BMPER: variants seen among roughly 807,000 people sequenced by gnomAD.
BMPER encodes the protein BMP-binding endothelial regulator protein.
A neutral mutation model predicts 87.3 loss-of-function variants in BMPER; 45 were observed. The ratio of observed to expected loss-of-function variants is 0.52; its 90% CI spans 0.41 to 0.66. The LOEUF is 0.66. Ranked by LOEUF, BMPER falls within the 30% of genes least tolerant of loss-of-function variation. The probability of loss-of-function intolerance (pLI) is 0.00; values close to 1 mark genes in which losing one functional copy is unlikely to be tolerated. For synonymous variants in BMPER, 326 were observed against 316.2 expected, an observed-to-expected ratio of 1.03 and a Z score of -0.33; for missense variants, 784 against 867.5, an observed-to-expected ratio of 0.90 and a Z score of 1.21.
Position 34,086,101 on chromosome 7 carries a change from A to T in BMPER, c.1745+9A>T, listed in dbSNP as rs1372976339. ...TACGCCACTTTCTACCGGTAAGTAC[A>T]GTGTTCTGGGGAATGGTTTTGGGTT... On this transcript the variant is annotated intron_variant, in intron 13 of 14. Transcript: ENST00000649409. 6.2e-7 allele frequency: 1 copy of T among 1,613,130 alleles called. No individual in the cohort carries two copies. Among genetic ancestry groups the T allele is most frequent in the East Asian group, 2.2e-5 (1 of 44,846 alleles).
intron 2 of BMPER, among the ~76,000 whole-genome samples, chr7:33,921,424 T>C (rs551288583): frequency 3.9e-5 from 6 of 152,158 alleles, no homozygotes; most frequent in Admixed American, 1.3e-4. Flanking sequence ...TCAGCGAGAG[T>C]TGGGACTGCA....
At chr7:34,042,814 G>A (rs1787866559) in intron 6 of BMPER, 1 of 152,192 alleles carries the variant, frequency 6.6e-6, no homozygotes, top group South Asian at 2.1e-4. Flanking sequence ...GTTTAGCTTG[G>A]AAGTAAAGTC....
intron 14 of BMPER, among the ~76,000 whole-genome samples, chr7:34,150,359 G>A (rs1791140138): frequency 6.6e-6 from 1 of 151,930 alleles, no homozygotes; most frequent in African/African-American, 2.4e-5. Context: ...AAGGGAGAGT[G>A]TTTTGTTTTG....
At chr7:34,063,381 G>GTA (rs1402631515) in intron 11 of BMPER, among the ~76,000 whole-genome samples, 44 of 61,788 alleles carry the variant, frequency 7.1e-4, no homozygotes, top group African/African-American at 2.3e-3. Flanking sequence ...GTCACTATAT[G>GTA]TGTGTGTGTG....
intron 6 of BMPER, among the ~76,000 whole-genome samples, chr7:33,995,246 CAT>C (rs1184985027): frequency 6.6e-5 from 10 of 152,096 alleles, no homozygotes; most frequent in South Asian, 6.2e-4. Context: ...AATACTAAGA[CAT>C]GTGTGGTACC....
At chr7:33,967,457 A>G (rs1785433114) in intron 4 of BMPER, among the ~76,000 whole-genome samples, 1 of 152,210 alleles carries the variant, frequency 6.6e-6, no homozygotes, top group African/African-American at 2.4e-5. Flanking sequence ...AGGTAGTTAT[A>G]TTCCTATTAT....
chr7:34,001,391 T>C (rs1347368499), intron 6 of BMPER, among the ~76,000 whole-genome samples: 2 of 151,900 alleles, frequency 1.3e-5, no homozygotes, highest in East Asian at 1.9e-4. Context: ...ATTTTTCTTC[T>C]TGAGTCAGAT....
At chr7:34,135,231 T>C (rs916825783) in intron 13 of BMPER, among the ~76,000 whole-genome samples, 25 of 152,146 alleles carry the variant, frequency 1.6e-4, no homozygotes, top group Non-Finnish European at 2.2e-4. Context: ...GGTTTTTCTC[T>C]TGTTAATTTG....
intron 6 of BMPER, among the ~76,000 whole-genome samples, chr7:33,998,765 CCCGGCTG>C (rs1384930683): frequency 6.6e-6 from 1 of 152,192 alleles, no homozygotes; most frequent in African/African-American, 2.4e-5. Flanking sequence ...GATGTGATCC[CCCGGCTG>C]CCGAAGGCCT....
At chr7:33,942,656 A>G (rs1024037825) in intron 3 of BMPER, among the ~76,000 whole-genome samples, 1 of 152,188 alleles carries the variant, frequency 6.6e-6, no homozygotes, top group African/African-American at 2.4e-5. Flanking sequence ...CACATCCCAC[A>G]GCTTTTAGAG....
intron 6 of BMPER, among the ~76,000 whole-genome samples, chr7:34,010,525 C>A (rs1272530904): frequency 6.6e-6 from 1 of 151,930 alleles, no homozygotes; most frequent in East Asian, 1.9e-4. Flanking sequence ...ACTTGTGCTA[C>A]TCTTTGAATC....
intron 6 of BMPER, among the ~76,000 whole-genome samples, chr7:34,008,505 ATG>A (rs1486326802): frequency 6.6e-6 from 1 of 151,890 alleles, no homozygotes; most frequent in Non-Finnish European, 1.5e-5. Flanking sequence ...CATTAATAAT[ATG>A]TGTCTCATCT....
At chr7:34,078,649 T>C (rs576077417) in intron 11 of BMPER, among the ~76,000 whole-genome samples, 1 of 152,338 alleles carries the variant, frequency 6.6e-6, no homozygotes, top group South Asian at 2.1e-4. Flanking sequence ...GGTTTTAAAA[T>C]GACTTTCAAG....
chr7:34,062,846 C>T (rs766947108), intron 11 of BMPER, among the ~76,000 whole-genome samples: 2 of 152,086 alleles, frequency 1.3e-5, no homozygotes, highest in Non-Finnish European at 2.9e-5. Context: ...CCTATGGGAC[C>T]ACAGTCCTAT....
chr7:34,044,580 C>T (rs1787910982), intron 6 of BMPER, among the ~76,000 whole-genome samples: 2 of 152,082 alleles, frequency 1.3e-5, no homozygotes, highest in Admixed American at 1.3e-4. Flanking sequence ...GGTTACATGC[C>T]CCTGAAGTCT....
intron 13 of BMPER, among the ~76,000 whole-genome samples, chr7:34,125,056 C>A (rs1302052586): frequency 6.6e-6 from 1 of 150,464 alleles, no homozygotes; most frequent in Non-Finnish European, 1.5e-5. Context: ...CGGTTGAATT[C>A]TGTTTAATTA....
intron 4 of BMPER, 109 bp from the exon 5 acceptor site, chr7:33,970,220 A>G (rs2128618555): frequency 9.0e-7 from 1 of 1,105,556 alleles, no homozygotes; most frequent in South Asian, 1.3e-5. Context: ...CACCCACCAA[A>G]CCTTGTGGTT....
At chr7:34,150,603 G>A (rs1046563516) in intron 14 of BMPER, among the ~76,000 whole-genome samples, 1 of 152,132 alleles carries the variant, frequency 6.6e-6, no homozygotes, top group African/African-American at 2.4e-5. Flanking sequence ...TATTCTGTTA[G>A]TCACTGAGAA....
intron 6 of BMPER, among the ~76,000 whole-genome samples, chr7:34,017,751 A>G (rs932516618): frequency 6.6e-6 from 1 of 151,888 alleles, no homozygotes; most frequent in Non-Finnish European, 1.5e-5. Context: ...AAGAATCTAC[A>G]CTTCAAGGAG....
Sources: allele counts gnomAD v4.1 joint callset (sites outside exome capture counted in the v4.1 genomes callset), GRCh38; gene constraint gnomAD v4.1.1; transcripts MANE v1.5; gene names NCBI Gene and HGNC (gene_info 2026-07-23, HGNC 2026-07-21).